Variants in RAB31 observed in about 807,000 individuals in gnomAD.
RAB31 encodes the protein ras-related protein Rab-31.
A neutral mutation model predicts 25.6 loss-of-function variants in RAB31; 21 were observed. The observed-to-expected ratio is 0.82, with a 90% CI of 0.58 to 1.18. The LOEUF (loss-of-function observed/expected upper bound fraction) is 1.18. Among genes scored for constraint, RAB31 ranks in the 50% most tolerant of loss-of-function variants. The pLI is 0.00. For synonymous variants in RAB31, 87 were observed against 84.0 expected, an observed-to-expected ratio of 1.04 and a Z score of -0.20; for missense variants, 196 against 250.1, an observed-to-expected ratio of 0.78 and a Z score of 1.46.
chr18:9,859,589 T>TAA lies in RAB31; in HGVS notation c.*278_*279dup, dbSNP rs60755218. ...GGAGGGGATGTAGTTGCATTTTTGC[T>TAA]AAAAAAAAAAAAAAACCTTTAAAAA... On this transcript the variant is annotated 3_prime_UTR_variant, in exon 7 of 7. Coordinates refer to ENST00000578921, the MANE Select transcript of RAB31 (RefSeq NM_006868.4). 4,869 of 207,142 alleles carry TAA rather than the reference T, an allele frequency of 0.024. 13 individuals are homozygous for TAA. The highest frequency in any genetic ancestry group is 0.034 in the East Asian group (319 of 9,298). The allele number at this position is 207,142 out of a possible 1,614,324, so 12.8% of individuals were successfully genotyped here. A position where few individuals can be genotyped will look rare whatever the true frequency, so the allele number is the denominator to read the frequency against.
chr18:9,785,838 A>C (rs2068429210), intron 2 of RAB31, among the ~76,000 whole-genome samples: 1 of 152,194 alleles, frequency 6.6e-6, no homozygotes, highest in South Asian at 2.1e-4. Flanking sequence ...AGGTGGGTGG[A>C]TCATCTGAAG....
intron 2 of RAB31, among the ~76,000 whole-genome samples, chr18:9,790,387 G>A (rs1256476752): frequency 6.8e-6 from 1 of 148,010 alleles, no homozygotes; most frequent in Non-Finnish European, 1.5e-5. Flanking sequence ...ATAATGCTCA[G>A]CTGATTTAAA....
intron 2 of RAB31, among the ~76,000 whole-genome samples, chr18:9,790,973 T>G (rs1432396738): frequency 2.0e-5 from 3 of 152,216 alleles, no homozygotes; most frequent in Admixed American, 2.0e-4. Context: ...AAAATGCTTT[T>G]TAAAAGGAAA....
intron 3 of RAB31, among the ~76,000 whole-genome samples, chr18:9,797,125 T>C (rs144119881): frequency 0.018 from 2,809 of 152,320 alleles, 45 homozygotes; most frequent in South Asian, 0.058. Flanking sequence ...GCCTGCCTAG[T>C]CCTCAAATGA....
chr18:9,721,806 A>G (rs1394503049), intron 1 of RAB31, among the ~76,000 whole-genome samples: 1 of 152,072 alleles, frequency 6.6e-6, no homozygotes, highest in African/African-American at 2.4e-5. Context: ...GGCGGTGCAC[A>G]AATACCGAGT....
rs550593605 is a variant in RAB31 at position 9,819,789 on chromosome 18, T to C, written c.380+4567T>C. On this transcript the variant is annotated intron_variant, in intron 5 of 6. Transcript: ENST00000578921. The stretch of plus-strand genomic sequence containing the variant: ...TCAGTTTACAAGTCTTGCTTTTGTT[T>C]TATTTATTCTTCTGTATTTGATTTT... 5.9e-5 allele frequency among the ~76,000 whole-genome samples: 9 copies of C among 152,220 alleles called. 1 individual carries two copies. The East Asian group carries it at 1.7e-3, about 29-fold the overall frequency.
chr18:9,766,770 T>G lies in RAB31; in HGVS notation c.40-8508T>G, dbSNP rs973771517. 2.6e-5 allele frequency among the ~76,000 whole-genome samples: 4 copies of G among 152,038 alleles called. No homozygotes were observed. Among genetic ancestry groups the G allele is most frequent in the Admixed American group, 2.6e-4 (4 of 15,274 alleles). ...GAGTTTGAGACCAGCCTGGGCAATA[T>G]AGTGAGACCTCATCTCTACCAAAAT... On this transcript the variant is annotated intron_variant, in intron 1 of 6. Coordinates refer to ENST00000578921, the MANE Select transcript of RAB31 (RefSeq NM_006868.4). This position sits in a 1 kb window ranked among gnomAD's most constrained non-coding sequence, Gnocchi z 4.3.
Position 9,837,846 on chromosome 18 carries a change from C to T in RAB31, c.381-7736C>T, listed in dbSNP as rs374819240. Among the ~76,000 whole-genome samples the T allele has an allele frequency of 2.4e-4, 37 of 152,274 alleles. 1 individual carries two copies. Among genetic ancestry groups the T allele is most frequent in the African/African-American group, 8.9e-4 (37 of 41,544 alleles). ...TACTTGTCAAGTTGGCTGATCTGGC[C>T]TGTGCTCCCCTCATGCTTCTATGGA... On this transcript the variant is annotated intron_variant, in intron 5 of 6. Coordinates refer to ENST00000578921, the MANE Select transcript of RAB31 (RefSeq NM_006868.4).
chr18:9,822,565 A>G (rs903236963), intron 5 of RAB31, among the ~76,000 whole-genome samples: 2 of 152,196 alleles, frequency 1.3e-5, no homozygotes, highest in African/African-American at 4.8e-5. Context: ...TTTGCAAACT[A>G]TATATCTATA....
chr18:9,731,815 C>G (rs906223554), intron 1 of RAB31, among the ~76,000 whole-genome samples: 1 of 151,950 alleles, frequency 6.6e-6, no homozygotes, highest in African/African-American at 2.4e-5. Context: ...AGGCTGGTCT[C>G]GAACTCCTGG....
intron 5 of RAB31, among the ~76,000 whole-genome samples, chr18:9,822,205 A>G (rs2068627600): frequency 6.6e-6 from 1 of 152,194 alleles, no homozygotes; most frequent in African/African-American, 2.4e-5. Flanking sequence ...AGGTAGTTCA[A>G]CAGAAGAAGC....
chr18:9,846,714 G>GA (rs1870585729), intron 6 of RAB31, among the ~76,000 whole-genome samples: 1 of 152,150 alleles, frequency 6.6e-6, no homozygotes, highest in African/African-American at 2.4e-5. Context: ...GAACAGTTTT[G>GA]ATTTCTGTTT....
At chr18:9,798,263 G>A (rs558393282) in intron 3 of RAB31, among the ~76,000 whole-genome samples, 3 of 152,322 alleles carry the variant, frequency 2.0e-5, no homozygotes, top group East Asian at 1.9e-4. Context: ...CCCAGCCCTC[G>A]ACGGCCTGAT....
At chr18:9,816,171 G>T (rs1180723890) in intron 5 of RAB31, 1 of 219,232 alleles carries the variant, frequency 4.6e-6, no homozygotes, top group Admixed American at 5.7e-5. Flanking sequence ...GTGTACAAAG[G>T]TATCATGCCT....
At chr18:9,857,674 TAGATAGATAGATGATA>T (rs1337772053) in intron 6 of RAB31, among the ~76,000 whole-genome samples, 16 of 126,274 alleles carry the variant, frequency 1.3e-4, no homozygotes, top group African/African-American at 2.0e-4. Context: ...GATAGATAGA[TAGATAGATAGATGATA>T]GATAGATAGA....
At chr18:9,853,077 G>T (rs1335441917) in intron 6 of RAB31, among the ~76,000 whole-genome samples, 1 of 152,054 alleles carries the variant, frequency 6.6e-6, no homozygotes, top group Admixed American at 6.6e-5. Context: ...TGGGTCGTTT[G>T]TCTTCTTATT....
At chr18:9,763,577 G>A (rs1399705535) in intron 1 of RAB31, among the ~76,000 whole-genome samples, 1 of 143,998 alleles carries the variant, frequency 6.9e-6, no homozygotes. Context: ...GAAACTCAGA[G>A]AGATAGAAAA....
At chr18:9,785,739 C>G (rs1458749501) in intron 2 of RAB31, among the ~76,000 whole-genome samples, 3 of 152,234 alleles carry the variant, frequency 2.0e-5, no homozygotes, top group East Asian at 3.9e-4. Context: ...CACTTTTTGT[C>G]CAATCACATT....
At chr18:9,753,342 C>T (rs2068244888) in intron 1 of RAB31, among the ~76,000 whole-genome samples, 1 of 151,866 alleles carries the variant, frequency 6.6e-6, no homozygotes, top group Non-Finnish European at 1.5e-5. Context: ...TGGGTTATCA[C>T]AGGAGTGGCA....
Sources: allele counts gnomAD v4.1 joint callset (sites outside exome capture counted in the v4.1 genomes callset), GRCh38; gene constraint gnomAD v4.1.1; non-coding constraint Gnocchi (gnomAD v3.1); transcripts MANE v1.5; gene names NCBI Gene and HGNC (gene_info 2026-07-23, HGNC 2026-07-21).